Variants in DHX38 observed in about 807,000 individuals in gnomAD.
DHX38 encodes the protein DEAH-box helicase 38, also known as pre-mRNA-splicing factor ATP-dependent RNA helicase PRP16.
DHX38 carries 100 observed loss-of-function variants against 153.1 expected under a neutral mutation model. The ratio of observed to expected loss-of-function variants is 0.65; its 90% CI spans 0.56 to 0.77. The LOEUF (loss-of-function observed/expected upper bound fraction) is 0.77, where lower values mean the gene tolerates loss of function less well. Among genes scored for constraint, DHX38 ranks in the 30% least tolerant of loss-of-function variants. The pLI, the probability that DHX38 is intolerant of heterozygous loss-of-function variation, is 0.00. For synonymous variants in DHX38, 650 were observed against 631.7 expected (o/e 1.03, Z -0.43); for missense variants, 1,440 against 1,654.0 (o/e 0.87, Z 2.24).
rs532648185 is a variant in DHX38, at chr16:72,098,908, C to G, written c.765-19C>G. 3 of 1,614,140 alleles carry G rather than the reference C, an allele frequency of 1.9e-6. No homozygotes were observed. Among genetic ancestry groups the G allele is most frequent in the Non-Finnish European group, 2.5e-6 (3 of 1,179,968 alleles). ...TTAGCTCAGTGACAGTTTTGTGATG[C>G]TGGTGCTGCTGTTCCCAGGTCTGTG... On this transcript the variant is annotated intron_variant, in intron 5 of 26. Coordinates refer to ENST00000268482, the MANE Select transcript of DHX38 (RefSeq NM_014003.4).
At chr16:72,111,289 C>T (rs1391218187) in intron 26 of DHX38, among the ~76,000 whole-genome samples, 1 of 152,224 alleles carries the variant, frequency 6.6e-6, no homozygotes, top group African/African-American at 2.4e-5. Flanking sequence ...TGCAGGGATT[C>T]AGGGCCTGAG....
At chr16:72,102,771 C>T (rs1034314788) in intron 11 of DHX38, among the ~76,000 whole-genome samples, 1 of 152,184 alleles carries the variant, frequency 6.6e-6, no homozygotes, top group Non-Finnish European at 1.5e-5. Flanking sequence ...ATTTCCACTC[C>T]TCTTCTGCTC....
In DHX38 at chr16:72,101,502, T is replaced by C; in HGVS notation, c.1389T>C (p.Ala463=). 1 of 1,551,770 alleles carries C rather than the reference T, an allele frequency of 6.4e-7. No homozygotes were observed. Among genetic ancestry groups the C allele is most frequent in the Non-Finnish European group, 8.7e-7 (1 of 1,147,028 alleles). ...KHREQKERKK[A]QHKHWELAGT... ...AGACTGACCTTTTTCCTTTTCAGGC[T>C]CAGCACAAACACTGGGAACTGGCGG... Residue 463 remains alanine (A), a splice_region_variant and synonymous_variant, in exon 11 of 27, where the codon GCT becomes GCC. Transcript: ENST00000268482.
At chr16:72,111,206 T>G in intron 26 of DHX38, 129 bp downstream of exon 26, 2 of 1,357,934 alleles carry the variant, frequency 1.5e-6, no homozygotes, top group Non-Finnish European at 9.7e-7. Flanking sequence ...TGACAGAAGT[T>G]GCTTGTGCAT....
chr16:72,107,860 T>A lies in DHX38; in HGVS notation c.2964+61T>A, dbSNP rs2042201356. Reference sequence around the variant, plus strand: ...CTCGAGGAAGTGTTGGGGAGGGGAATGGCTTCTCTCTGTATTACTGAAATG... The same window carrying A: ...CTCGAGGAAGTGTTGGGGAGGGGAAAGGCTTCTCTCTGTATTACTGAAATG... On this transcript the variant is annotated intron_variant, in intron 21 of 26. Coordinates refer to ENST00000268482, the MANE Select transcript of DHX38 (RefSeq NM_014003.4). The surrounding 1 kb of genome is among the most constrained non-coding windows in gnomAD (Gnocchi z 5.3). 1 of 1,580,000 alleles carries A rather than the reference T, an allele frequency of 6.3e-7. No homozygotes were observed. Among genetic ancestry groups the A allele is most frequent in the Non-Finnish European group, 8.6e-7 (1 of 1,163,302 alleles).
At chr16:72,100,310 G>T (rs2042082790) in intron 8 of DHX38, 126 bp from the exon 9 acceptor site, 2 of 1,284,288 alleles carry the variant, frequency 1.6e-6, no homozygotes, top group Non-Finnish European at 1.1e-6. Context: ...GTGGGTAGAG[G>T]CCTGTGACAT....
At chr16:72,111,208 C>A in intron 26 of DHX38, 131 bp downstream of exon 26, 1 of 1,350,520 alleles carries the variant, frequency 7.4e-7, no homozygotes, top group Non-Finnish European at 9.7e-7. Context: ...ACAGAAGTTG[C>A]TTGTGCATTT....
At chr16:72,096,096 A>C in intron 1 of DHX38, 43 bp from the exon 2 acceptor site, 1 of 1,535,668 alleles carries the variant, frequency 6.5e-7, no homozygotes, top group Non-Finnish European at 8.8e-7. Context: ...GATATAGTAG[A>C]GCTGAGCCTT....
intron 1 of DHX38, among the ~76,000 whole-genome samples, chr16:72,094,642 G>T (rs1004377016): frequency 9.2e-5 from 14 of 152,160 alleles, no homozygotes; most frequent in Non-Finnish European, 1.5e-4. Context: ...CTCCTTATTT[G>T]TTCGTCTCAG....
In DHX38 at chr16:72,097,661, G is replaced by T. The variant is rs757366316; in HGVS notation, c.512-16G>T. ...GATGGGATGCATGTTTTTAAGCTTCGTGTGACTCTTCATAGATGAGCGGGA... is the reference window on the plus strand; with the variant it reads ...GATGGGATGCATGTTTTTAAGCTTCTTGTGACTCTTCATAGATGAGCGGGA... On this transcript the variant is annotated splice_polypyrimidine_tract_variant and intron_variant, in intron 3 of 26. Transcript: ENST00000268482. 1.2e-6 allele frequency: 2 copies of T among 1,612,216 alleles called. No individual in the cohort carries two copies. The highest frequency in any genetic ancestry group is 1.1e-5 in the South Asian group (1 of 90,754).
rs548793388 is a variant in DHX38, at chr16:72,099,593, A to G, written c.961-139A>G. The G allele has an allele frequency of 2.2e-5, 25 of 1,153,728 alleles. No homozygotes were observed. In the South Asian group the frequency reaches 3.5e-4, roughly 16 times the overall value. 71.5% of individuals were successfully genotyped at this position (1,153,728 alleles called of 1,614,324 possible). ...CTCCAGATGGCATGTGTCTGCAGGG[A>G]GGCCTCTCCTGCACCCCTCACAAGG... On this transcript the variant is annotated intron_variant, in intron 7 of 26. Transcript: ENST00000268482.
chr16:72,103,952 T>C lies in DHX38; in HGVS notation c.1831T>C (p.Tyr611His), dbSNP rs2042136348. Residue 611 changes from tyrosine (Y) to histidine (H), a missense_variant, in exon 14 of 27, where the codon TAT (tyrosine) becomes CAT (histidine). Around this residue, in one of 6 missense-constraint regions of DHX38, gnomAD observed 241 missense variants for 229.5 expected, o/e 1.05. Coordinates refer to ENST00000268482, the MANE Select transcript of DHX38 (RefSeq NM_014003.4). ...MGGNLGEEVG[Y>H]AIRFEDCTSE... is the part of the protein sequence containing the mutation. ...CCATCTCTCTGACCTCCAGGTGGGC[T>C]ATGCCATCCGCTTTGAAGACTGCAC... is the stretch of plus-strand genomic sequence containing the variant. 6.2e-7 allele frequency: 1 copy of C among 1,613,998 alleles called. No homozygotes were observed. Among genetic ancestry groups the C allele is most frequent in the Non-Finnish European group, 8.5e-7 (1 of 1,179,852 alleles).
intron 21 of DHX38, 21 bp from the exon 22 acceptor site, chr16:72,108,206 A>C: frequency 6.2e-7 from 1 of 1,613,008 alleles, no homozygotes; most frequent in Non-Finnish European, 8.5e-7. Context: ...CTTAGAGTGA[A>C]GGTTCTTTTT....
Position 72,096,845 on chromosome 16 carries a change from A to G in DHX38, c.347A>G (p.Glu116Gly). The G allele has an allele frequency of 6.2e-7, 1 of 1,613,758 alleles. No homozygotes were observed. ...KDRHYRSARV[E>G]TPSHPGGVSE... is the part of the protein sequence containing the mutation. ...AGACATTATCGGTCTGCTCGGGTAG[A>G]GACTCCATCCCATCCGGGTGGTGTG... Residue 116 changes from glutamate to glycine, a missense_variant, in exon 3 of 27, where the codon GAG (glutamate) becomes GGG (glycine). Physicochemically the swap from Glu to Gly is moderately conservative, Grantham distance 98. Transcript: ENST00000268482.
chr16:72,104,614 C>G lies in DHX38; in HGVS notation c.2139C>G (p.Ile713Met). 6.2e-7 allele frequency: 1 copy of G among 1,614,166 alleles called. No homozygotes were observed. Among genetic ancestry groups the G allele is most frequent in the Non-Finnish European group, 8.5e-7 (1 of 1,180,028 alleles). Residue 713 changes from isoleucine (I) to methionine (M), a missense_variant, in exon 15 of 27, where the codon ATC (isoleucine) becomes ATG (methionine). This residue lies in a region of DHX38 where 543 missense variants were observed against 717.9 expected (regional missense o/e 0.76). Transcript: ENST00000268482. This position sits in a 1 kb window ranked among gnomAD's most constrained non-coding sequence, Gnocchi z 4.5. The stretch of plus-strand genomic sequence containing the variant: ...CTGGCCGTACCTTCCCTGTTGACAT[C>G]CTCTTCAGCAAGGTATTGAGGCCAC... ...HIPGRTFPVD[I>M]LFSKTPQEDY... is the part of the protein sequence containing the mutation.
At chr16:72,102,507 T>C (rs1257620562) in intron 11 of DHX38, among the ~76,000 whole-genome samples, 1 of 152,172 alleles carries the variant, frequency 6.6e-6, no homozygotes, top group Non-Finnish European at 1.5e-5. Flanking sequence ...TGTGTACATG[T>C]GTCAGACATT....
At position 72,105,250 on chromosome 16, in the gene DHX38, G is replaced by A. The variant is rs2042158731; in HGVS notation, c.2281G>A (p.Val761Met). The A allele has an allele frequency of 6.2e-7, 1 of 1,614,220 alleles. No homozygotes were observed. The change falls in exon 17 of 27, where the codon GTG becomes ATG. Residue 761 changes from valine (V) to methionine (M), a missense_variant. This residue lies in a region of DHX38 where 543 missense variants were observed against 717.9 expected (regional missense o/e 0.76). Coordinates refer to ENST00000268482, the MANE Select transcript of DHX38 (RefSeq NM_014003.4). ...CTCTCAGGTGACCTCAGACCAGATT[G>A]TGGAGCATCTGGAGGAACTGGAGAA... is the stretch of plus-strand genomic sequence containing the variant. Reference protein sequence around the residue: ...EDIEVTSDQIVEHLEELENAP... With the variant: ...EDIEVTSDQIMEHLEELENAP...
Position 72,103,756 on chromosome 16 carries a change from A to G in DHX38, c.1792A>G (p.Ser598Gly). The G allele has an allele frequency of 6.2e-7, 1 of 1,613,382 alleles. No individual in the cohort carries two copies. The highest frequency in any genetic ancestry group is 1.1e-5 in the South Asian group (1 of 91,072). Reference sequence around the variant, plus strand: ...TGCCATGTCAGTGGCCAAGAGAGTCAGTGAAGAGATGGGGGGAAACCTTGG... The same window carrying G: ...TGCCATGTCAGTGGCCAAGAGAGTCGGTGAAGAGATGGGGGGAAACCTTGG... ...VAAMSVAKRV[S>G]EEMGGNLGEE... is the part of the protein sequence containing the mutation. The change falls in exon 13 of 27, where the codon AGT becomes GGT. Residue 598 changes from serine to glycine, a missense_variant. Physicochemically the swap from Ser to Gly is moderately conservative, Grantham distance 56. This residue lies in a region of DHX38 where 241 missense variants were observed against 229.5 expected (regional missense o/e 1.05). Coordinates refer to ENST00000268482, the MANE Select transcript of DHX38 (RefSeq NM_014003.4).
chr16:72,104,767 G>A lies in DHX38; in HGVS notation c.2151+141G>A. ...GACCATGGGGCAAATGGGGCAGCCT[G>A]CAGCTCTGGGACTCGGGGACAAAGG... On this transcript the variant is annotated intron_variant, in intron 15 of 26. Coordinates refer to ENST00000268482, the MANE Select transcript of DHX38 (RefSeq NM_014003.4). This position sits in a 1 kb window ranked among gnomAD's most constrained non-coding sequence, Gnocchi z 4.5. 8.2e-7 allele frequency: 1 copy of A among 1,222,202 alleles called. No homozygotes were observed. The highest frequency in any genetic ancestry group is 1.4e-5 in the South Asian group (1 of 73,032). The allele number at this position is 1,222,202 out of a possible 1,614,324, so 75.7% of individuals were successfully genotyped here. A position where few individuals can be genotyped will look rare whatever the true frequency, so the allele number is the denominator to read the frequency against.
Sources: allele counts gnomAD v4.1 joint callset (sites outside exome capture counted in the v4.1 genomes callset), GRCh38; gene constraint gnomAD v4.1.1; regional missense constraint gnomAD v4.1.1; non-coding constraint Gnocchi (gnomAD v3.1); transcripts MANE v1.5; gene names NCBI Gene and HGNC (gene_info 2026-07-23, HGNC 2026-07-21).